RSPO2: variants seen among roughly 807,000 people sequenced by gnomAD.
RSPO2 encodes R-spondin 2.
Under a neutral mutation model 30.9 loss-of-function variants are expected in RSPO2, and 14 were observed. The observed-to-expected ratio is 0.45, with a 90% CI of 0.30 to 0.71. The LOEUF (loss-of-function observed/expected upper bound fraction) is 0.71, where lower values mean the gene tolerates loss of function less well. Ranked by LOEUF, RSPO2 falls within the 30% of genes least tolerant of loss-of-function variation. The pLI is 0.08. For synonymous variants in RSPO2, 107 were observed against 96.4 expected (o/e 1.11, Z -0.64); for missense variants, 264 against 301.9 (o/e 0.87, Z 0.93).
chr8:107,915,441 T>C (rs1394891245), intron 5 of RSPO2, among the ~76,000 whole-genome samples: 1 of 152,152 alleles, frequency 6.6e-6, no homozygotes, highest in Non-Finnish European at 1.5e-5. Context: ...TGACTCTCCC[T>C]GACTAGTAGA....
intron 5 of RSPO2, among the ~76,000 whole-genome samples, chr8:107,922,923 A>T (rs1381683126): frequency 6.6e-6 from 1 of 152,168 alleles, no homozygotes; most frequent in Non-Finnish European, 1.5e-5. Flanking sequence ...GCATATAAAA[A>T]ATCAACTCAA....
intron 5 of RSPO2, among the ~76,000 whole-genome samples, chr8:107,943,748 A>T (rs1812971237): frequency 6.6e-6 from 1 of 152,238 alleles, no homozygotes; most frequent in South Asian, 2.1e-4. Context: ...GAAGATCTGA[A>T]ATGCAACAGA....
chr8:108,014,041 C>T (rs1810791139), intron 2 of RSPO2, among the ~76,000 whole-genome samples: 1 of 152,114 alleles, frequency 6.6e-6, no homozygotes, highest in Admixed American at 6.5e-5. Flanking sequence ...AGAATAGGAA[C>T]AGACATTCTC....
chr8:107,997,024 C>A, intron 2 of RSPO2: 1 of 398,210 alleles, frequency 2.5e-6, no homozygotes, highest in Non-Finnish European at 4.9e-6. Flanking sequence ...TTTCTCCAAT[C>A]TTCAATCATG....
chr8:108,041,300 C>T (rs1298009701), intron 2 of RSPO2, among the ~76,000 whole-genome samples: 11 of 151,080 alleles, frequency 7.3e-5, no homozygotes, highest in Non-Finnish European at 4.4e-5. Context: ...AAATATGCTG[C>T]GTTTTAAGGG....
intron 5 of RSPO2, among the ~76,000 whole-genome samples, chr8:107,916,050 T>A (rs910477361): frequency 1.3e-5 from 2 of 152,062 alleles, no homozygotes; most frequent in Admixed American, 6.6e-5. Context: ...AACTACTATA[T>A]CTTCTGTCTA....
At chr8:107,992,624 G>T (rs1038058140) in intron 2 of RSPO2, among the ~76,000 whole-genome samples, 5 of 152,054 alleles carry the variant, frequency 3.3e-5, no homozygotes, top group Non-Finnish European at 7.4e-5. Context: ...TCCAGATAAA[G>T]ACATGAGTTC....
intron 2 of RSPO2, among the ~76,000 whole-genome samples, chr8:108,029,031 C>T (rs1471806829): frequency 9.2e-6 from 1 of 108,484 alleles, no homozygotes; most frequent in African/African-American, 3.3e-5. Flanking sequence ...GCAGGGTAAA[C>T]TTGGGTAACT....
intron 2 of RSPO2, among the ~76,000 whole-genome samples, chr8:108,022,027 C>T (rs1226074821): frequency 6.6e-6 from 1 of 152,040 alleles, no homozygotes; most frequent in Non-Finnish European, 1.5e-5. Context: ...TTCCATAGGC[C>T]TTGGCTAACC....
intron 2 of RSPO2, among the ~76,000 whole-genome samples, chr8:108,015,750 A>G (rs947658727): frequency 1.3e-5 from 2 of 151,774 alleles, no homozygotes; most frequent in African/African-American, 4.8e-5. Context: ...ATAAATCTCC[A>G]CTTTTCGTTG....
chr8:108,076,787 G>A (rs1462209869), intron 2 of RSPO2, among the ~76,000 whole-genome samples: 1 of 152,148 alleles, frequency 6.6e-6, no homozygotes. Context: ...GAAAAATTGA[G>A]CCTAGAATTA....
chr8:108,021,558 A>G (rs1326320928), intron 2 of RSPO2, among the ~76,000 whole-genome samples: 1 of 152,122 alleles, frequency 6.6e-6, no homozygotes, highest in Non-Finnish European at 1.5e-5. Context: ...GAACATGGGG[A>G]TTGAAGGGAT....
chr8:108,068,659 T>C (rs1241878786), intron 2 of RSPO2, among the ~76,000 whole-genome samples: 3 of 152,176 alleles, frequency 2.0e-5, no homozygotes, highest in African/African-American at 7.2e-5. Flanking sequence ...CATTAGGTTA[T>C]TAAGGTGAGC....
intron 5 of RSPO2, among the ~76,000 whole-genome samples, chr8:107,909,117 C>T (rs554623177): frequency 8.8e-4 from 134 of 152,220 alleles, no homozygotes; most frequent in Non-Finnish European, 1.6e-3. Context: ...CTGTAGTCCA[C>T]TTCTGCAAGG....
At chr8:108,033,678 G>A (rs930743145) in intron 2 of RSPO2, among the ~76,000 whole-genome samples, 1 of 152,164 alleles carries the variant, frequency 6.6e-6, no homozygotes, top group African/African-American at 2.4e-5. Context: ...AGAACTGAGA[G>A]CTTCTTATTA....
In RSPO2 at chr8:107,921,777, T is replaced by C. The variant is rs990458214; in HGVS notation, c.617-20587A>G. ...CACCATGATCAAGTAGCTTTTATCA[T>C]TGGGATGCAAGGTTGGTTCAACATA... On this transcript the variant is annotated intron_variant, in intron 5 of 5. Transcript: ENST00000276659. 3.9e-5 allele frequency among the ~76,000 whole-genome samples: 6 copies of C among 152,216 alleles called. No individual in the cohort carries two copies. The South Asian group carries it at 6.2e-4, about 16-fold the overall frequency.
chr8:107,997,974 G>C (rs368641173), intron 2 of RSPO2, among the ~76,000 whole-genome samples: 1 of 152,162 alleles, frequency 6.6e-6, no homozygotes, highest in South Asian at 2.1e-4. Context: ...CTAGGTGAAG[G>C]CATCCATCCT....
At chr8:108,034,542 C>G (rs924169800) in intron 2 of RSPO2, among the ~76,000 whole-genome samples, 3 of 152,188 alleles carry the variant, frequency 2.0e-5, no homozygotes, top group African/African-American at 7.2e-5. Context: ...GAAGCATATA[C>G]AGAAAAACAT....
chr8:108,048,826 A>C (rs1051126871), intron 2 of RSPO2, among the ~76,000 whole-genome samples: 1 of 152,022 alleles, frequency 6.6e-6, no homozygotes, highest in African/African-American at 2.4e-5. Flanking sequence ...ATTTCCCTCT[A>C]CTCACTGCTT....
Sources: allele counts gnomAD v4.1 joint callset (sites outside exome capture counted in the v4.1 genomes callset), GRCh38; gene constraint gnomAD v4.1.1; transcripts MANE v1.5; gene names NCBI Gene and HGNC (gene_info 2026-07-23, HGNC 2026-07-21).